Variants in DLG1 observed in about 807,000 individuals in gnomAD.
DLG1 encodes discs large MAGUK scaffold protein 1.
Under a neutral mutation model 123.4 loss-of-function variants are expected in DLG1, and 42 were observed. The ratio of observed to expected loss-of-function variants is 0.34; its 90% CI spans 0.27 to 0.44. The LOEUF (loss-of-function observed/expected upper bound fraction) is 0.44. Ranked by LOEUF, DLG1 falls within the 20% of genes least tolerant of loss-of-function variation. The pLI, the probability that DLG1 is intolerant of heterozygous loss-of-function variation, is 1.00. For missense variants in DLG1, 942 were observed against 1,082.6 expected, an observed-to-expected ratio of 0.87 and a Z score of 1.82; for synonymous variants, 317 against 356.2, an observed-to-expected ratio of 0.89 and a Z score of 1.24.
chr3:197,123,211 G>A (rs763462565), intron 11 of DLG1, among the ~76,000 whole-genome samples: 1 of 152,122 alleles, frequency 6.6e-6, no homozygotes, highest in Non-Finnish European at 1.5e-5. Flanking sequence ...AGTCCCTTAT[G>A]ACCTAAGGAT....
At chr3:197,054,501 T>C (rs941414434) in intron 23 of DLG1, among the ~76,000 whole-genome samples, 1 of 152,244 alleles carries the variant, frequency 6.6e-6, no homozygotes, top group Non-Finnish European at 1.5e-5. Context: ...TTCTTTCTTC[T>C]GTCTGCTCAA....
intron 3 of DLG1, among the ~76,000 whole-genome samples, chr3:197,285,087 A>C (rs1029517882): frequency 3.3e-5 from 5 of 151,910 alleles, no homozygotes; most frequent in African/African-American, 1.2e-4. Flanking sequence ...AAGCCTTCAA[A>C]TATATAATTT....
Position 197,131,584 on chromosome 3 carries a change from CTTTTTTTTTTTTTTT to C in DLG1, c.1021-928_1021-914del, listed in dbSNP as rs773487577. On this transcript the variant is annotated intron_variant, in intron 10 of 24. Transcript: ENST00000667157. Reference sequence around the variant, plus strand: ...CAAATATAGTTTTATTTCTTCCTTTCTTTTTTTTTTTTTTTTTTTTTTTTTTTGAGACGGAGTCTC... The same window carrying C: ...CAAATATAGTTTTATTTCTTCCTTTCTTTTTTTTTTTTGAGACGGAGTCTC... Among the ~76,000 whole-genome samples, 456 of 65,814 alleles carry C rather than the reference CTTTTTTTTTTTTTTT, an allele frequency of 6.9e-3. 3 individuals are homozygous for C. The highest frequency in any genetic ancestry group is 0.022 in the South Asian group (28 of 1,248). The allele number at this position is 65,814 out of a possible 152,430, so 43.2% of individuals were successfully genotyped here.
Position 197,257,805 on chromosome 3 carries a change from A to C in DLG1, c.318+24874T>G, listed in dbSNP as rs534056008. Among the ~76,000 whole-genome samples the C allele has an allele frequency of 4.6e-5, 7 of 152,206 alleles. 1 individual carries two copies. The highest frequency in any genetic ancestry group is 2.6e-4 in the Admixed American group (4 of 15,262). ...AACATAAGAAAATATACCATATATA[A>C]CAATAATCCTAAATCACTCTTGTTG... On this transcript the variant is annotated intron_variant, in intron 4 of 24. Coordinates refer to ENST00000667157, the MANE Select transcript of DLG1 (RefSeq NM_001366207.1).
chr3:197,126,533 A>C (rs1033776478), intron 11 of DLG1, among the ~76,000 whole-genome samples: 4 of 152,176 alleles, frequency 2.6e-5, no homozygotes, highest in Admixed American at 2.6e-4. Context: ...AACTGTCACA[A>C]TGTGCACATG....
At chr3:197,280,776 T>C (rs1432256762) in intron 4 of DLG1, among the ~76,000 whole-genome samples, 1 of 152,206 alleles carries the variant, frequency 6.6e-6, no homozygotes. Flanking sequence ...GTTTTTTACA[T>C]AAGCAATTTT....
intron 4 of DLG1, among the ~76,000 whole-genome samples, chr3:197,241,375 C>T (rs781115970): frequency 1.3e-5 from 2 of 151,680 alleles, no homozygotes; most frequent in African/African-American, 4.8e-5. Context: ...TTCACCACCA[C>T]AAGACTCATA....
intron 5 of DLG1, among the ~76,000 whole-genome samples, chr3:197,185,363 A>C (rs1715262554): frequency 6.6e-6 from 1 of 152,214 alleles, no homozygotes; most frequent in East Asian, 1.9e-4. Context: ...TCTGCTGAGA[A>C]GTGAACATGT....
chr3:197,102,855 C>G (rs1764264774), intron 14 of DLG1, among the ~76,000 whole-genome samples: 1 of 152,204 alleles, frequency 6.6e-6, no homozygotes, highest in Non-Finnish European at 1.5e-5. Flanking sequence ...GAAACTCCAT[C>G]TTAAAACAAA....
At chr3:197,073,448 T>C (rs1421470549) in intron 18 of DLG1, among the ~76,000 whole-genome samples, 1 of 152,230 alleles carries the variant, frequency 6.6e-6, no homozygotes, top group African/African-American at 2.4e-5. Flanking sequence ...GAATCTTACC[T>C]AGTTTTAGTC....
chr3:197,083,794 CAAACAAAAACAA>C (rs3051913), intron 16 of DLG1, among the ~76,000 whole-genome samples: 19,350 of 149,338 alleles, frequency 0.13, 1,659 homozygotes, highest in African/African-American at 0.24. Context: ...CCCATCTCCA[CAAACAAAAACAA>C]AAACAAAAAC....
At chr3:197,106,242 C>T (rs1487366702) in intron 13 of DLG1, among the ~76,000 whole-genome samples, 2 of 152,148 alleles carry the variant, frequency 1.3e-5, no homozygotes, top group African/African-American at 4.8e-5. Context: ...CCTGTCTCTA[C>T]TAAAAATACA....
intron 4 of DLG1, among the ~76,000 whole-genome samples, chr3:197,260,751 A>T (rs1396203878): frequency 3.9e-5 from 1 of 25,392 alleles, no homozygotes; most frequent in African/African-American, 2.3e-4. Context: ...GACAACCACC[A>T]AAAAAAAAAA....
rs1553827363 is a variant in DLG1, at chr3:197,288,743, A to ACATACATACATACATAC, written c.152-5899_152-5898insGTATGTATGTATGTATG. Among the ~76,000 whole-genome samples, 233 of 71,914 alleles carry ACATACATACATACATAC rather than the reference A, an allele frequency of 3.2e-3. 4 individuals carry two copies. Among genetic ancestry groups the ACATACATACATACATAC allele is most frequent in the African/African-American group, 0.015 (200 of 13,538 alleles). The allele number at this position is 71,914 out of a possible 152,430, so 47.2% of individuals were successfully genotyped here. Reference sequence around the variant, plus strand: ...TCAAAAAAAAAAAAAAAAAAAAAAAAATACATACATACATACATACATACA... The same window carrying ACATACATACATACATAC: ...TCAAAAAAAAAAAAAAAAAAAAAAAACATACATACATACATACATACATACATACATACATACATACA... On this transcript the variant is annotated intron_variant, in intron 3 of 24. Transcript: ENST00000667157.
At chr3:197,170,645 T>C (rs1803731108) in intron 5 of DLG1, among the ~76,000 whole-genome samples, 1 of 152,204 alleles carries the variant, frequency 6.6e-6, no homozygotes, top group African/African-American at 2.4e-5. Context: ...TAGACCTTTT[T>C]CAGATGCACA....
rs1741380089 is a variant in DLG1 at position 197,068,581 on chromosome 3, ATTTTAAT to A, written c.2047+631_2047+637del. 6 of 1,358,480 alleles carry A rather than the reference ATTTTAAT, an allele frequency of 4.4e-6. No homozygotes were observed. In the East Asian group the frequency reaches 1.5e-4, roughly 33 times the overall value. The allele number at this position is 1,358,480 out of a possible 1,614,324, so 84.2% of individuals were successfully genotyped here. ...GTAAAAAAAGAAAGTTAGAAAAGTAATTTTAATTTTTAAGGTGCTACAACTGATATTA... is the reference window on the plus strand; with the variant it reads ...GTAAAAAAAGAAAGTTAGAAAAGTAATTTTAAGGTGCTACAACTGATATTA... On this transcript the variant is annotated intron_variant, in intron 19 of 24. Coordinates refer to ENST00000667157, the MANE Select transcript of DLG1 (RefSeq NM_001366207.1).
At chr3:197,222,374 A>C (rs971552777) in intron 4 of DLG1, among the ~76,000 whole-genome samples, 1 of 152,218 alleles carries the variant, frequency 6.6e-6, no homozygotes, top group African/African-American at 2.4e-5. Context: ...TAGCAGCTGC[A>C]TATTTCCAAG....
At chr3:197,228,614 T>C (rs552059309) in intron 4 of DLG1, among the ~76,000 whole-genome samples, 1 of 152,270 alleles carries the variant, frequency 6.6e-6, no homozygotes, top group South Asian at 2.1e-4. Flanking sequence ...ATAAAAAACA[T>C]GCATTTGATT....
At chr3:197,148,579 A>G (rs1168764988) in intron 6 of DLG1, among the ~76,000 whole-genome samples, 5 of 152,168 alleles carry the variant, frequency 3.3e-5, no homozygotes, top group Non-Finnish European at 2.9e-5. Flanking sequence ...AGACCATTCA[A>G]TGCGGAAAGA....
Sources: allele counts gnomAD v4.1 joint callset (sites outside exome capture counted in the v4.1 genomes callset), GRCh38; gene constraint gnomAD v4.1.1; transcripts MANE v1.5; gene names NCBI Gene and HGNC (gene_info 2026-07-23, HGNC 2026-07-21).